Variants in GRK5 observed in about 807,000 individuals in gnomAD.
The protein encoded by GRK5 is g protein-coupled receptor kinase GRK5.
In GRK5, 40 loss-of-function variants were observed where a neutral mutation model predicts 78.4. That is an observed-to-expected ratio of 0.51 (90% confidence interval 0.40 to 0.66). The LOEUF (loss-of-function observed/expected upper bound fraction) is 0.66. GRK5 is among the 30% of genes least tolerant of loss of function. The pLI is 0.00. For synonymous variants in GRK5, 289 were observed against 296.8 expected (o/e 0.97, Z 0.27); for missense variants, 598 against 759.9 (o/e 0.79, Z 2.50).
intron 11 of GRK5, 54 bp from the exon 12 acceptor site, chr10:119,443,490 C>A (rs563072958): frequency 6.0e-6 from 9 of 1,503,856 alleles, no homozygotes. Flanking sequence ...CTGTGAGCAG[C>A]GCCACCAGCT....
At chr10:119,339,558 G>A (rs966643600) in intron 2 of GRK5, among the ~76,000 whole-genome samples, 3 of 152,100 alleles carry the variant, frequency 2.0e-5, no homozygotes, top group Non-Finnish European at 2.9e-5. Flanking sequence ...GAAAAGCCAT[G>A]GGTTGTAGGA....
chr10:119,354,654 G>A (rs1851239670), intron 2 of GRK5, among the ~76,000 whole-genome samples: 1 of 152,068 alleles, frequency 6.6e-6, no homozygotes, highest in Non-Finnish European at 1.5e-5. Flanking sequence ...CTCCCACCTT[G>A]GCCTTCCAAA....
chr10:119,293,706 ATGGCC>A (rs1389897675), intron 1 of GRK5, among the ~76,000 whole-genome samples: 6 of 138,908 alleles, frequency 4.3e-5, no homozygotes, highest in Admixed American at 2.8e-4. Context: ...GGAGTGGATG[ATGGCC>A]TGGATGCCTG....
At chr10:119,385,621 T>A (rs967486618) in intron 3 of GRK5, among the ~76,000 whole-genome samples, 3 of 152,140 alleles carry the variant, frequency 2.0e-5, no homozygotes, top group Admixed American at 1.3e-4. Flanking sequence ...GTGTGGAAGG[T>A]GTATTCTCTG....
intron 2 of GRK5, chr10:119,333,967 G>A (rs1177233222): frequency 4.3e-5 from 18 of 420,042 alleles, no homozygotes; most frequent in South Asian, 2.8e-4. Flanking sequence ...ATCTCTCTGC[G>A]AGCTCCCTGA....
intron 1 of GRK5, among the ~76,000 whole-genome samples, chr10:119,240,189 C>CTTTTTTTT (rs55905745): frequency 2.9e-5 from 2 of 70,098 alleles, no homozygotes; most frequent in Non-Finnish European, 5.3e-5. Flanking sequence ...TGTTTCCCGA[C>CTTTTTTTT]TTTTTTTTTT....
At chr10:119,394,230 G>GAGTGTGT (rs1306168257) in intron 3 of GRK5, among the ~76,000 whole-genome samples, 1 of 143,110 alleles carries the variant, frequency 7.0e-6, no homozygotes, top group Non-Finnish European at 1.5e-5. Flanking sequence ...GTGTGGGTGT[G>GAGTGTGT]GGTGTGTGGG....
intron 8 of GRK5, among the ~76,000 whole-genome samples, chr10:119,434,287 C>G (rs1372052964): frequency 2.0e-5 from 3 of 152,206 alleles, no homozygotes; most frequent in Non-Finnish European, 4.4e-5. Context: ...TCCCAACAGT[C>G]CCCCAAAATC....
chr10:119,456,184 C>T lies in GRK5; in HGVS notation c.*1117C>T, dbSNP rs1236861238. 1 of 152,118 alleles carries T rather than the reference C, an allele frequency of 6.6e-6. No homozygotes were observed. The highest frequency in any genetic ancestry group is 2.4e-5 in the African/African-American group (1 of 41,396). 9.4% of individuals were successfully genotyped at this position (152,118 alleles called of 1,614,324 possible). A position where few individuals can be genotyped will look rare whatever the true frequency, so the allele number is the denominator to read the frequency against. On this transcript the variant is annotated 3_prime_UTR_variant, in exon 16 of 16. Transcript: ENST00000392870. This position sits in a 1 kb window ranked among gnomAD's most constrained non-coding sequence, Gnocchi z 5.5. ...CTGAAGCGTTCACAGGGTTTTGAGACCTTCACAGCCCCATCAATGTGCTGG... is the reference window on the plus strand; with the variant it reads ...CTGAAGCGTTCACAGGGTTTTGAGATCTTCACAGCCCCATCAATGTGCTGG...
At chr10:119,449,320 T>A (rs1853225503) in intron 13 of GRK5, among the ~76,000 whole-genome samples, 1 of 152,172 alleles carries the variant, frequency 6.6e-6, no homozygotes, top group East Asian at 1.9e-4. Flanking sequence ...GGACCGTCCT[T>A]GGAACTCTGG....
intron 1 of GRK5, among the ~76,000 whole-genome samples, chr10:119,285,028 G>A (rs1054283516): frequency 4.6e-5 from 7 of 152,208 alleles, no homozygotes; most frequent in African/African-American, 1.4e-4. Flanking sequence ...GAACAGGTAC[G>A]ATGTGTTCCT....
At chr10:119,362,525 ACT>A (rs2133811340) in intron 2 of GRK5, among the ~76,000 whole-genome samples, 1 of 152,322 alleles carries the variant, frequency 6.6e-6, no homozygotes, top group South Asian at 2.1e-4. Context: ...CTAAACTATA[ACT>A]CTTCATAAAA....
intron 3 of GRK5, among the ~76,000 whole-genome samples, chr10:119,393,670 A>T (rs1274663882): frequency 1.3e-5 from 2 of 152,234 alleles, no homozygotes; most frequent in African/African-American, 4.8e-5. Flanking sequence ...AACAGCAGGC[A>T]GCTGGCTCTA....
chr10:119,329,749 CA>C (rs561039971), intron 2 of GRK5, among the ~76,000 whole-genome samples: 152 of 150,814 alleles, frequency 1.0e-3, no homozygotes, highest in African/African-American at 3.6e-3. Flanking sequence ...AAAACAAAAA[CA>C]AAAAAAACCT....
Position 119,430,249 on chromosome 10 carries a change from TC to T in GRK5, c.534-123del. 1.3e-6 allele frequency: 1 copy of T among 785,604 alleles called. No individual in the cohort carries two copies. The highest frequency in any genetic ancestry group is 1.5e-5 in the South Asian group (1 of 67,946). The allele number at this position is 785,604 out of a possible 1,614,324, so 48.7% of individuals were successfully genotyped here. On this transcript the variant is annotated intron_variant, in intron 6 of 15. Transcript: ENST00000392870. This position sits in a 1 kb window ranked among gnomAD's most constrained non-coding sequence, Gnocchi z 4.5. ...GTCTCCAGCGATGATTCCTGGGGGGTCCCTGGGGCTGCTGTGGGGCTCCTGG... is the reference window on the plus strand; with the variant it reads ...GTCTCCAGCGATGATTCCTGGGGGGTCCTGGGGCTGCTGTGGGGCTCCTGG...
chr10:119,248,719 G>A (rs1294387780), intron 1 of GRK5, among the ~76,000 whole-genome samples: 1 of 152,068 alleles, frequency 6.6e-6, no homozygotes, highest in Non-Finnish European at 1.5e-5. Context: ...AAAAAAAAAG[G>A]TAAGTATTTC....
chr10:119,349,442 A>G (rs1404702065), intron 2 of GRK5, among the ~76,000 whole-genome samples: 1 of 152,236 alleles, frequency 6.6e-6, no homozygotes, highest in Non-Finnish European at 1.5e-5. Flanking sequence ...CTTACTCATT[A>G]GATGTCCTTG....
rs376069596 is a variant in GRK5 at position 119,346,760 on chromosome 10, C to T, written c.148+20149C>T. Among the ~76,000 whole-genome samples, 12 of 152,230 alleles carry T rather than the reference C, an allele frequency of 7.9e-5. No homozygotes were observed. In the East Asian group the frequency reaches 2.1e-3, roughly 27 times the overall value. On this transcript the variant is annotated intron_variant, in intron 2 of 15. Transcript: ENST00000392870. Reference sequence around the variant, plus strand: ...GGAGTCCTCCCTGCTCACCGGGTCCCCCAGGCTCCGGCAGAGGCAACGGGA... The same window carrying T: ...GGAGTCCTCCCTGCTCACCGGGTCCTCCAGGCTCCGGCAGAGGCAACGGGA...
chr10:119,324,900 C>T lies in GRK5; in HGVS notation c.53-1616C>T, dbSNP rs76434531. On this transcript the variant is annotated intron_variant, in intron 1 of 15. Coordinates refer to ENST00000392870, the MANE Select transcript of GRK5 (RefSeq NM_005308.3). ...CACCACGGCAGGTGCCGCCTCACCA[C>T]GGCAGGTGCCCAATACGCATTCCTT... is the stretch of plus-strand genomic sequence containing the variant. Among the ~76,000 whole-genome samples, 90 of 152,244 alleles carry T rather than the reference C, an allele frequency of 5.9e-4. 1 individual carries two copies. In the East Asian group the frequency reaches 0.014, roughly 23 times the overall value.
Sources: gnomAD v4.1 joint callset for allele counts (sites outside exome capture counted in the v4.1 genomes callset) on GRCh38, gnomAD v4.1.1 for gene constraint, Gnocchi (gnomAD v3.1) non-coding constraint, MANE v1.5 for transcripts, NCBI Gene and HGNC (gene_info 2026-07-23, HGNC 2026-07-21) for gene names.